Variants in GARRE1 observed in about 807,000 individuals in gnomAD.
GARRE1 encodes granule associated Rac and RHOG effector 1, also known as granule associated Rac and RHOG effector protein 1.
Under a neutral mutation model 103.2 loss-of-function variants are expected in GARRE1, and 49 were observed. The observed-to-expected ratio is 0.47, with a 90% confidence interval of 0.38 to 0.60. The LOEUF (loss-of-function observed/expected upper bound fraction) is 0.60. Ranked by LOEUF, GARRE1 falls within the 20% of genes least tolerant of loss-of-function variation. The pLI, the probability that GARRE1 is intolerant of heterozygous loss-of-function variation, is 0.00. For synonymous variants in GARRE1, 505 were observed against 532.8 expected (o/e 0.95, Z 0.72); for missense variants, 1,199 against 1,370.5 (o/e 0.87, Z 1.98).
chr19:34,326,684 T>A (rs2074113407), intron 3 of GARRE1, among the ~76,000 whole-genome samples: 1 of 152,152 alleles, frequency 6.6e-6, no homozygotes, highest in African/African-American at 2.4e-5. Flanking sequence ...CCATGTATGT[T>A]CTTCCTTTTT....
chr19:34,279,690 A>G (rs1345163528), intron 1 of GARRE1, among the ~76,000 whole-genome samples: 2 of 152,214 alleles, frequency 1.3e-5, no homozygotes, highest in Admixed American at 6.5e-5. Flanking sequence ...TTTATAAACA[A>G]AAGTGGTTTA....
At chr19:34,305,230 T>G (rs2074002282) in intron 2 of GARRE1, among the ~76,000 whole-genome samples, 1 of 152,190 alleles carries the variant, frequency 6.6e-6, no homozygotes, top group Admixed American at 6.5e-5. Flanking sequence ...AGTAACTGGT[T>G]GTTGTATGCC....
At position 34,286,161 on chromosome 19, in the gene GARRE1, A is replaced by G. The variant is rs534283977; in HGVS notation, c.-795-13518A>G. On this transcript the variant is annotated intron_variant, in intron 1 of 13. Coordinates refer to ENST00000299505, the MANE Select transcript of GARRE1 (RefSeq NM_014686.5). The stretch of plus-strand genomic sequence containing the variant: ...GGTGAAACCCTGTTTCAAAACAAAC[A>G]AACAAACAAAACAAAACAAAAAAAC... Among the ~76,000 whole-genome samples, 4 of 152,342 alleles carry G rather than the reference A, an allele frequency of 2.6e-5. No homozygotes were observed. The East Asian group carries it at 7.7e-4, about 29-fold the overall frequency.
intron 1 of GARRE1, among the ~76,000 whole-genome samples, chr19:34,275,743 G>A (rs143755379): frequency 5.7e-4 from 87 of 152,238 alleles, no homozygotes; most frequent in Middle Eastern, 3.4e-3. Context: ...ATATACCTAG[G>A]AGTAAAATTT....
At chr19:34,332,977 T>TA (rs1461517119) in intron 7 of GARRE1, among the ~76,000 whole-genome samples, 1 of 152,202 alleles carries the variant, frequency 6.6e-6, no homozygotes. Context: ...AGATAATCTT[T>TA]AAAAAAGTTT....
intron 1 of GARRE1, among the ~76,000 whole-genome samples, chr19:34,290,363 AAAG>A (rs2073910805): frequency 2.0e-5 from 3 of 152,292 alleles, no homozygotes; most frequent in South Asian, 2.1e-4. Flanking sequence ...CTCAAAAAAA[AAAG>A]AAGAAAAGAA....
chr19:34,282,245 G>C (rs867569979), intron 1 of GARRE1, among the ~76,000 whole-genome samples: 1 of 112,762 alleles, frequency 8.9e-6, no homozygotes, highest in African/African-American at 2.7e-5. Flanking sequence ...TCCGCCTCCT[G>C]GGTTCAAGCA....
At chr19:34,294,169 C>T (rs1034416553) in intron 1 of GARRE1, among the ~76,000 whole-genome samples, 1 of 151,176 alleles carries the variant, frequency 6.6e-6, no homozygotes, top group African/African-American at 2.4e-5. Context: ...CCTATAATCC[C>T]AACACTTTTA....
In GARRE1 at chr19:34,327,787, T is replaced by C. The variant is rs1305299590; in HGVS notation, c.863T>C (p.Leu288Pro). 6.2e-7 allele frequency: 1 copy of C among 1,613,914 alleles called. No homozygotes were observed. Among genetic ancestry groups the C allele is most frequent in the Non-Finnish European group, 8.5e-7 (1 of 1,179,864 alleles). Residue 288 changes from leucine to proline, a missense_variant, in exon 5 of 14, where the codon CTG (leucine) becomes CCG (proline). By Grantham distance (98) the Leu-to-Pro change is moderately conservative (BLOSUM62 -3). Coordinates refer to ENST00000299505, the MANE Select transcript of GARRE1 (RefSeq NM_014686.5). ...DSALQAYKIA[L>P]ESLGHCEYAM... Reference sequence around the variant, plus strand: ...TATTTCCAGGCATATAAGATAGCTCTGGAAAGCTTAGGACACTGTGAATAT... The same window carrying C: ...TATTTCCAGGCATATAAGATAGCTCCGGAAAGCTTAGGACACTGTGAATAT...
At chr19:34,344,883 G>A (rs2074203961) in intron 10 of GARRE1, among the ~76,000 whole-genome samples, 1 of 151,060 alleles carries the variant, frequency 6.6e-6, no homozygotes, top group African/African-American at 2.4e-5. Flanking sequence ...ACCGCCCCGA[G>A]GCTGGAGTGC....
At chr19:34,264,020 G>A (rs527870061) in intron 1 of GARRE1, among the ~76,000 whole-genome samples, 1 of 152,230 alleles carries the variant, frequency 6.6e-6, no homozygotes, top group East Asian at 1.9e-4. Context: ...AAAGTCCTTG[G>A]AACAGTTCCC....
intron 2 of GARRE1, among the ~76,000 whole-genome samples, chr19:34,307,723 TATAC>T (rs1371127664): frequency 7.8e-5 from 11 of 140,304 alleles, no homozygotes; most frequent in South Asian, 4.3e-4. Context: ...ATATACTATA[TATAC>T]ATATATACTT....
At chr19:34,337,047 TC>T (rs906957294) in intron 8 of GARRE1, among the ~76,000 whole-genome samples, 2 of 149,632 alleles carry the variant, frequency 1.3e-5, no homozygotes, top group African/African-American at 4.9e-5. Flanking sequence ...AAATTTTAGT[TC>T]TGTTTTTTTT....
Position 34,352,906 on chromosome 19 carries a change from C to G in GARRE1, c.3164C>G (p.Ala1055Gly). The G allele has an allele frequency of 6.3e-7, 1 of 1,578,828 alleles. No homozygotes were observed. Among genetic ancestry groups the G allele is most frequent in the East Asian group, 2.3e-5 (1 of 43,722 alleles). The change falls in exon 14 of 14, where the codon GCC becomes GGC. Residue 1055 changes from alanine (A) to glycine (G), a missense_variant. Ala to Gly is a moderately conservative substitution (Grantham distance 60). Transcript: ENST00000299505. ...AHKAAPKGFK[A>G]FPGKGERRPA... is the part of the protein sequence containing the mutation. ...AAGGCAGCACCCAAGGGCTTCAAGG[C>G]CTTCCCTGGGAAGGGTGAGCGCAGG...
chr19:34,294,409 A>G (rs1453953013), intron 1 of GARRE1, among the ~76,000 whole-genome samples: 1 of 151,916 alleles, frequency 6.6e-6, no homozygotes, highest in Non-Finnish European at 1.5e-5. Flanking sequence ...GGTGACAGAG[A>G]GAGACCCCAT....
chr19:34,346,603 A>G (rs2074212276), intron 10 of GARRE1, among the ~76,000 whole-genome samples: 1 of 152,170 alleles, frequency 6.6e-6, no homozygotes, highest in Admixed American at 6.5e-5. Flanking sequence ...TCTAGGCTAC[A>G]TACAGAGCAC....
intron 1 of GARRE1, among the ~76,000 whole-genome samples, chr19:34,290,119 G>A (rs1189398866): frequency 6.6e-6 from 1 of 152,200 alleles, no homozygotes; most frequent in African/African-American, 2.4e-5. Context: ...CACTTTGGGA[G>A]GCTGAGGCAG....
At chr19:34,343,156 TAGAA>T (rs756065651) in intron 10 of GARRE1, among the ~76,000 whole-genome samples, 35 of 152,066 alleles carry the variant, frequency 2.3e-4, no homozygotes, top group Non-Finnish European at 5.0e-4. Context: ...AATTAGGAAA[TAGAA>T]AGGATACATT....
At chr19:34,351,727 CAG>C (rs887393711) in intron 13 of GARRE1, 135 bp downstream of exon 13, 2 of 667,666 alleles carry the variant, frequency 3.0e-6, no homozygotes, top group African/African-American at 3.5e-5. Context: ...TCAGCTGACT[CAG>C]AGCCACAGGA....
Sources: gnomAD v4.1 joint callset for allele counts (sites outside exome capture counted in the v4.1 genomes callset) on GRCh38, gnomAD v4.1.1 for gene constraint, MANE v1.5 for transcripts, NCBI Gene and HGNC (gene_info 2026-07-23, HGNC 2026-07-21) for gene names.